DCC: variants seen among roughly 807,000 people sequenced by gnomAD.
The protein encoded by DCC is netrin receptor DCC.
Under a neutral mutation model 172.5 loss-of-function variants are expected in DCC, and 58 were observed. The observed-to-expected ratio is 0.34, with a 90% CI of 0.27 to 0.42. The LOEUF is 0.42. Among genes scored for constraint, DCC ranks in the 10% least tolerant of loss-of-function variants. The pLI, the probability that DCC is intolerant of heterozygous loss-of-function variation, is 1.00. For missense variants in DCC, 1,740 were observed against 1,791.0 expected (o/e 0.97, Z 0.51); for synonymous variants, 709 against 644.5 (o/e 1.10, Z -1.52).
At chr18:52,788,637 G>A (rs9941444) in intron 2 of DCC, among the ~76,000 whole-genome samples, 6,571 of 152,048 alleles carry the variant, frequency 0.043, 222 homozygotes, top group South Asian at 0.16. Context: ...TAGACATTAC[G>A]CATAACACAT....
chr18:53,320,302 G>T (rs1016479755), intron 13 of DCC, among the ~76,000 whole-genome samples: 2 of 152,018 alleles, frequency 1.3e-5, no homozygotes, highest in Admixed American at 6.6e-5. Flanking sequence ...TCGATCTCCT[G>T]ACTTTGTGAT....
At chr18:53,007,738 C>T (rs2041666863) in intron 5 of DCC, among the ~76,000 whole-genome samples, 1 of 152,072 alleles carries the variant, frequency 6.6e-6, no homozygotes, top group South Asian at 2.1e-4. Context: ...TAAGTAGCTA[C>T]AAGCTCAGAG....
At chr18:53,416,083 A>G (rs1910295100) in intron 20 of DCC, 41 bp from the exon 21 acceptor site, 1 of 1,516,864 alleles carries the variant, frequency 6.6e-7, no homozygotes, top group Non-Finnish European at 9.2e-7. Context: ...CTTGCTAGGA[A>G]CTGTCAAAGT....
At chr18:53,482,357 T>G (rs1187522401) in intron 25 of DCC, among the ~76,000 whole-genome samples, 1 of 152,142 alleles carries the variant, frequency 6.6e-6, no homozygotes, top group East Asian at 1.9e-4. Context: ...GAAGGTTTAT[T>G]ATTTGTAAAC....
intron 1 of DCC, among the ~76,000 whole-genome samples, chr18:52,355,029 C>T (rs373407433): frequency 6.6e-6 from 1 of 151,936 alleles, no homozygotes; most frequent in Non-Finnish European, 1.5e-5. Flanking sequence ...TTTGTCAACT[C>T]GCATATATGA....
intron 2 of DCC, among the ~76,000 whole-genome samples, chr18:52,836,074 G>A (rs2038699346): frequency 6.6e-6 from 1 of 152,158 alleles, no homozygotes; most frequent in African/African-American, 2.4e-5. Flanking sequence ...GCTAATGAGT[G>A]CCCAGTGAAG....
intron 5 of DCC, among the ~76,000 whole-genome samples, chr18:53,052,494 A>T (rs1390632181): frequency 6.6e-6 from 1 of 151,888 alleles, no homozygotes; most frequent in African/African-American, 2.4e-5. Context: ...TGGGAGTGGC[A>T]CTGTCCAGAC....
At chr18:53,252,782 A>C (rs966536416) in intron 12 of DCC, among the ~76,000 whole-genome samples, 1 of 151,960 alleles carries the variant, frequency 6.6e-6, no homozygotes, top group African/African-American at 2.4e-5. Flanking sequence ...GAACAGACTA[A>C]AGCCCTAAGT....
chr18:52,824,928 C>A (rs2038482672), intron 2 of DCC, among the ~76,000 whole-genome samples: 1 of 151,888 alleles, frequency 6.6e-6, no homozygotes, highest in Non-Finnish European at 1.5e-5. Context: ...CAAGATAGCA[C>A]CACTGCACCC....
At chr18:53,358,928 T>TAGTA (rs1237479979) in intron 15 of DCC, among the ~76,000 whole-genome samples, 9 of 152,188 alleles carry the variant, frequency 5.9e-5, no homozygotes, top group Non-Finnish European at 1.0e-4. Context: ...ATAAGACCAG[T>TAGTA]GATTGCATTA....
chr18:52,929,549 A>G (rs1334482381), intron 5 of DCC, among the ~76,000 whole-genome samples: 1 of 152,134 alleles, frequency 6.6e-6, no homozygotes, highest in African/African-American at 2.4e-5. Flanking sequence ...GTTCTTTGAA[A>G]ATGAGGTTAA....
chr18:53,418,296 TCAAA>T (rs748352397), intron 21 of DCC, among the ~76,000 whole-genome samples: 4 of 152,120 alleles, frequency 2.6e-5, no homozygotes, highest in Non-Finnish European at 5.9e-5. Context: ...TGCTGCACCC[TCAAA>T]GCACGTTTTA....
At chr18:53,296,715 T>C (rs2057072354) in intron 12 of DCC, among the ~76,000 whole-genome samples, 1 of 152,188 alleles carries the variant, frequency 6.6e-6, no homozygotes. Context: ...CACACTTTAA[T>C]GAAAACCCTC....
chr18:53,378,088 A>C (rs781525603), intron 15 of DCC, among the ~76,000 whole-genome samples: 1 of 152,034 alleles, frequency 6.6e-6, no homozygotes, highest in Non-Finnish European at 1.5e-5. Context: ...CAGCCTTCAC[A>C]GTAGCTGGGA....
intron 1 of DCC, among the ~76,000 whole-genome samples, chr18:52,705,735 G>A (rs1014455117): frequency 1.3e-5 from 2 of 152,072 alleles, no homozygotes; most frequent in African/African-American, 4.8e-5. Context: ...CATAAGCCAC[G>A]GCCTGGCACA....
Position 53,535,480 on chromosome 18 carries a change from AG to A in DCC, c.*4830del, listed in dbSNP as rs1222925878. On this transcript the variant is annotated 3_prime_UTR_variant, in exon 29 of 29. Coordinates refer to ENST00000442544, the MANE Select transcript of DCC (RefSeq NM_005215.4). Reference sequence around the variant, plus strand: ...TTGCAGATCAGTGCTACTCATTCAAAGGGCTTTGCAACTCAAACAGATTGTT... The same window carrying A: ...TTGCAGATCAGTGCTACTCATTCAAAGGCTTTGCAACTCAAACAGATTGTT... The A allele has an allele frequency of 2.6e-5, 4 of 152,244 alleles. No individual in the cohort carries two copies. The highest frequency in any genetic ancestry group is 4.4e-5 in the Non-Finnish European group (3 of 68,044). 9.4% of individuals were successfully genotyped at this position (152,244 alleles called of 1,614,324 possible). A position where few individuals can be genotyped will look rare whatever the true frequency, so the allele number is the denominator to read the frequency against.
intron 1 of DCC, among the ~76,000 whole-genome samples, chr18:52,488,625 T>G (rs17828071): frequency 0.36 from 54,827 of 151,952 alleles, 10,671 homozygotes; most frequent in East Asian, 0.48. Flanking sequence ...TGCTCTCTAA[T>G]TTGTGGGACC....
At chr18:52,736,293 A>C (rs188299933) in intron 1 of DCC, among the ~76,000 whole-genome samples, 38 of 151,904 alleles carry the variant, frequency 2.5e-4, no homozygotes, top group Admixed American at 2.2e-3. Flanking sequence ...AAAAAAAAAA[A>C]AACAGAAAAA....
chr18:52,870,691 A>G (rs1368246462), intron 2 of DCC, among the ~76,000 whole-genome samples: 3 of 82,424 alleles, frequency 3.6e-5, no homozygotes, highest in Admixed American at 1.8e-4. Flanking sequence ...CCCGTGCCCC[A>G]CCCCCCACCC....
Sources: gnomAD v4.1 joint callset for allele counts (sites outside exome capture counted in the v4.1 genomes callset) on GRCh38, gnomAD v4.1.1 for gene constraint, MANE v1.5 for transcripts, NCBI Gene and HGNC (gene_info 2026-07-23, HGNC 2026-07-21) for gene names.